Variants in SYNE2 observed in about 807,000 individuals in gnomAD.
SYNE2 encodes spectrin repeat containing nuclear envelope protein 2.
SYNE2 carries 431 observed loss-of-function variants against 856.3 expected under a neutral mutation model. The observed-to-expected ratio is 0.50, with a 90% CI of 0.47 to 0.55. The LOEUF (loss-of-function observed/expected upper bound fraction) is 0.55, where lower values mean the gene tolerates loss of function less well. Among genes scored for constraint, SYNE2 ranks in the 20% least tolerant of loss-of-function variants. SYNE2 has a pLI of 0.00. For synonymous variants in SYNE2, 2,923 were observed against 2,872.3 expected (o/e 1.02, Z -0.56); for missense variants, 8,129 against 8,023.2 (o/e 1.01, Z -0.50).
At chr14:64,033,391 G>A (rs2097057818) in intron 45 of SYNE2, among the ~76,000 whole-genome samples, 2 of 151,938 alleles carry the variant, frequency 1.3e-5, no homozygotes, top group South Asian at 4.2e-4. Flanking sequence ...AATAAGAATT[G>A]TTTTTGGCCA....
intron 2 of SYNE2, among the ~76,000 whole-genome samples, chr14:63,935,419 A>G (rs1486014122): frequency 6.6e-6 from 1 of 152,220 alleles, no homozygotes; most frequent in Non-Finnish European, 1.5e-5. Context: ...GCAGTTGGAA[A>G]CACCACAAAA....
At chr14:63,838,463 G>A (rs1239198832) in intron 1 of SYNE2, among the ~76,000 whole-genome samples, 1 of 151,998 alleles carries the variant, frequency 6.6e-6, no homozygotes, top group African/African-American at 2.4e-5. Flanking sequence ...GAAAAATAAT[G>A]TTGCTGGAAA....
intron 23 of SYNE2, among the ~76,000 whole-genome samples, chr14:63,996,496 C>T (rs554543311): frequency 1.5e-4 from 23 of 152,006 alleles, no homozygotes; most frequent in Admixed American, 2.6e-4. Context: ...CCTGCTGTGC[C>T]GTGTACTCCA....
intron 19 of SYNE2, among the ~76,000 whole-genome samples, chr14:63,988,202 C>A (rs1036293293): frequency 6.6e-5 from 10 of 152,200 alleles, no homozygotes; most frequent in Non-Finnish European, 1.5e-5. Context: ...TTCAGCCTCC[C>A]AAGTAGCTGG....
At chr14:64,135,965 A>C (rs781522744) in intron 78 of SYNE2, among the ~76,000 whole-genome samples, 73 of 151,998 alleles carry the variant, frequency 4.8e-4, no homozygotes, top group Non-Finnish European at 7.8e-4. Flanking sequence ...CAGCCTAGTT[A>C]CTCGTGCACA....
rs77798875 is a variant in SYNE2, at chr14:64,075,401, A to C, written c.10867-544A>C. 5.4e-3 allele frequency among the ~76,000 whole-genome samples: 829 copies of C among 152,246 alleles called. 10 individuals are homozygous for C. Among genetic ancestry groups the C allele is most frequent in the African/African-American group, 0.019 (809 of 41,560 alleles). On this transcript the variant is annotated intron_variant, in intron 53 of 115. Coordinates refer to ENST00000555002, the MANE Select transcript of SYNE2 (RefSeq NM_182914.3). ...TTCAGGTTTCTTTTATCTCCTAAAA[A>C]CCTACATTCTTTGTATGGAACTGGA...
intron 1 of SYNE2, among the ~76,000 whole-genome samples, chr14:63,882,949 G>C (rs904322992): frequency 6.7e-6 from 1 of 150,064 alleles, no homozygotes; most frequent in Non-Finnish European, 1.5e-5. Flanking sequence ...AGGATTAAAT[G>C]ACATAATGTA....
intron 8 of SYNE2, among the ~76,000 whole-genome samples, chr14:63,960,277 A>G (rs1474104051): frequency 6.6e-6 from 1 of 152,150 alleles, no homozygotes; most frequent in Non-Finnish European, 1.5e-5. Context: ...CTTGAATTAC[A>G]TTGTTTGCAA....
At chr14:63,859,354 T>C (rs1308151540) in intron 1 of SYNE2, among the ~76,000 whole-genome samples, 1 of 152,232 alleles carries the variant, frequency 6.6e-6, no homozygotes, top group African/African-American at 2.4e-5. Flanking sequence ...TTTTCCCTTC[T>C]ACTTTTGGGT....
intron 1 of SYNE2, among the ~76,000 whole-genome samples, chr14:63,784,918 C>T (rs1320762091): frequency 6.6e-6 from 1 of 151,392 alleles, no homozygotes; most frequent in East Asian, 1.9e-4. Flanking sequence ...TATGTGTGTA[C>T]ATCTACTAAA....
At chr14:63,880,639 A>G (rs1368923838) in intron 1 of SYNE2, among the ~76,000 whole-genome samples, 1 of 129,038 alleles carries the variant, frequency 7.7e-6, no homozygotes, top group Non-Finnish European at 1.7e-5. Flanking sequence ...TGATCTTAGT[A>G]TTTTCTTATT....
At chr14:64,130,501 A>G (rs1407167165) in intron 76 of SYNE2, among the ~76,000 whole-genome samples, 1 of 152,248 alleles carries the variant, frequency 6.6e-6, no homozygotes, top group Non-Finnish European at 1.5e-5. Context: ...ATAGATATTT[A>G]TCAACAAGTC....
intron 9 of SYNE2, 97 bp downstream of exon 9, chr14:63,961,722 A>G: frequency 1.1e-6 from 1 of 877,944 alleles, no homozygotes; most frequent in Admixed American, 2.0e-5. Context: ...CAGAACTTAA[A>G]TGTACAGTTT....
intron 1 of SYNE2, among the ~76,000 whole-genome samples, chr14:63,781,516 G>A (rs990228758): frequency 4.0e-5 from 6 of 150,422 alleles, no homozygotes; most frequent in Non-Finnish European, 7.4e-5. Flanking sequence ...ACGGAGTCTC[G>A]CTCTGTCGCC....
intron 1 of SYNE2, among the ~76,000 whole-genome samples, chr14:63,877,333 T>C (rs972374842): frequency 1.1e-4 from 16 of 152,160 alleles, no homozygotes; most frequent in African/African-American, 3.9e-4. Flanking sequence ...TAGCTAAAAC[T>C]TTACTTTCTA....
Position 64,002,809 on chromosome 14 carries a change from T to TGCAG in SYNE2, c.3877_3878insCAGG (p.Asp1293AlafsTer18). On this transcript the variant is annotated frameshift_variant, in exon 30 of 116. Coordinates refer to ENST00000555002, the MANE Select transcript of SYNE2 (RefSeq NM_182914.3). LOFTEE classifies it high-confidence loss of function. ...TTGTATTAAAGGAGTTACACCCATTTGATCTACACGCAATGCAGAATATTA... is the reference window on the plus strand; with the variant it reads ...TTGTATTAAAGGAGTTACACCCATTTGCAGGATCTACACGCAATGCAGAATATTA... 1 of 1,599,166 alleles carries TGCAG rather than the reference T, an allele frequency of 6.3e-7. No homozygotes were observed. Among genetic ancestry groups the TGCAG allele is most frequent in the Non-Finnish European group, 8.5e-7 (1 of 1,173,300 alleles).
chr14:64,025,451 T>A (rs1205312841), intron 41 of SYNE2, 30 bp downstream of exon 41: 2 of 1,600,266 alleles, frequency 1.2e-6, no homozygotes, highest in African/African-American at 2.7e-5. Context: ...ATTTCAGAAG[T>A]CTGAGTGAAC....
Position 64,210,052 on chromosome 14 carries a change from G to A in SYNE2, c.18651G>A (p.Gln6217=), listed in dbSNP as rs1482213212. 1.2e-6 allele frequency: 2 copies of A among 1,614,152 alleles called. No homozygotes were observed. Among genetic ancestry groups the A allele is most frequent in the Admixed American group, 3.3e-5 (2 of 60,032 alleles). Residue 6217 remains glutamine (Q), a synonymous_variant, in exon 103 of 116, where the codon CAG becomes CAA. Transcript: ENST00000555002. ...NRTDTASRLK[Q]MVHEGNQRWD... ...CAGACACGGCCAGCAGGCTGAAGCA[G>A]ATGGTCCACGAGGGCAACCAGCGCT...
In SYNE2 at chr14:63,971,038, C is replaced by T. The variant is rs749245357; in HGVS notation, c.1128+3192C>T. Among the ~76,000 whole-genome samples the T allele has an allele frequency of 8.3e-4, 126 of 150,944 alleles. 2 individuals are homozygous for T. The highest frequency in any genetic ancestry group is 1.6e-3 in the Non-Finnish European group (111 of 67,814). On this transcript the variant is annotated intron_variant, in intron 11 of 115. Transcript: ENST00000555002. The stretch of plus-strand genomic sequence containing the variant: ...TTTGTTTATTGACTTGGCTCTACTT[C>T]TTCCTATCATGTTTTTAGTGGTTGC...
Sources: allele counts gnomAD v4.1 joint callset (sites outside exome capture counted in the v4.1 genomes callset), GRCh38; gene constraint gnomAD v4.1.1; transcripts MANE v1.5; gene names NCBI Gene and HGNC (gene_info 2026-07-23, HGNC 2026-07-21).